Variants in DTNBP1 observed in about 807,000 individuals in gnomAD.
The protein encoded by DTNBP1 is dysbindin.
Under a neutral mutation model 42.8 loss-of-function variants are expected in DTNBP1, and 35 were observed. The observed-to-expected ratio is 0.82, with a 90% confidence interval of 0.63 to 1.09. The LOEUF (loss-of-function observed/expected upper bound fraction) is 1.09, where lower values mean the gene tolerates loss of function less well. Ranked by LOEUF, DTNBP1 falls within the 50% of genes least tolerant of loss-of-function variation. The probability of loss-of-function intolerance (pLI) is 0.00; values close to 1 mark genes in which losing one functional copy is unlikely to be tolerated. For synonymous variants in DTNBP1, 171 were observed against 162.2 expected, an observed-to-expected ratio of 1.05 and a Z score of -0.41; for missense variants, 457 against 424.2, an observed-to-expected ratio of 1.08 and a Z score of -0.68.
chr6:15,642,660 T>C (rs1760445115), intron 3 of DTNBP1, among the ~76,000 whole-genome samples: 3 of 152,130 alleles, frequency 2.0e-5, no homozygotes, highest in Admixed American at 2.0e-4. Context: ...AGCCAATACA[T>C]CACTACAGTA....
Position 15,589,929 on chromosome 6 carries a change from C to T in DTNBP1, c.511+3130G>A, listed in dbSNP as rs1350990389. On this transcript the variant is annotated intron_variant, in intron 7 of 9. Transcript: ENST00000344537. ...ATGTCACCTTTATTTCCTAACTACT[C>T]ATACACTTCTTTTTTTGGAGACAGA... Among the ~76,000 whole-genome samples, 3 of 152,142 alleles carry T rather than the reference C, an allele frequency of 2.0e-5. No homozygotes were observed. The East Asian group carries it at 5.8e-4, about 29-fold the overall frequency.
At position 15,627,476 on chromosome 6, in the gene DTNBP1, C is replaced by G; in HGVS notation, c.223-1G>C. 2.5e-6 allele frequency: 4 copies of G among 1,613,882 alleles called. No individual in the cohort carries two copies. In the African/African-American group the frequency reaches 5.3e-5, roughly 22 times the overall value. ...GCATGACCACCTCGCTATCCACCAG[C>G]TGCAGCACACAAGAAGGGGGGTAAA... On this transcript the variant is annotated splice_acceptor_variant, in intron 4 of 9. Coordinates refer to ENST00000344537, the MANE Select transcript of DTNBP1 (RefSeq NM_032122.5). LOFTEE classifies it high-confidence loss of function.
chr6:15,648,687 A>G (rs954714896), intron 3 of DTNBP1, among the ~76,000 whole-genome samples: 1 of 152,106 alleles, frequency 6.6e-6, no homozygotes, highest in Non-Finnish European at 1.5e-5. Context: ...AAGATGATGA[A>G]AGACTCATAC....
chr6:15,635,222 G>A (rs1054133437), intron 4 of DTNBP1, among the ~76,000 whole-genome samples: 3 of 152,042 alleles, frequency 2.0e-5, no homozygotes, highest in African/African-American at 7.3e-5. Flanking sequence ...AGGTTCAAGC[G>A]ATTCTCCTGC....
chr6:15,595,034 C>A (rs1185010843), intron 6 of DTNBP1: 2 of 440,944 alleles, frequency 4.5e-6, no homozygotes, highest in Non-Finnish European at 9.1e-6. Context: ...CACCCTGCAA[C>A]CGTCTGTCTG....
intron 7 of DTNBP1, among the ~76,000 whole-genome samples, chr6:15,542,687 A>G (rs913037095): frequency 2.7e-5 from 4 of 150,590 alleles, no homozygotes; most frequent in African/African-American, 9.8e-5. Flanking sequence ...TTATGCTTCT[A>G]ATTATTTGCA....
chr6:15,576,069 C>A (rs1238480348), intron 7 of DTNBP1, among the ~76,000 whole-genome samples: 1 of 151,962 alleles, frequency 6.6e-6, no homozygotes, highest in Non-Finnish European at 1.5e-5. Flanking sequence ...TAGGCGAGAC[C>A]ATTTAGGTGG....
chr6:15,641,907 T>A (rs2113780139), intron 3 of DTNBP1, among the ~76,000 whole-genome samples: 3 of 152,280 alleles, frequency 2.0e-5, no homozygotes, highest in Admixed American at 2.0e-4. Flanking sequence ...CAGTGCCAAC[T>A]GCTACAAGAG....
chr6:15,563,707 C>T (rs937906969), intron 7 of DTNBP1, among the ~76,000 whole-genome samples: 5 of 152,144 alleles, frequency 3.3e-5, no homozygotes, highest in Admixed American at 6.5e-5. Context: ...TGACTTCACT[C>T]TGCACTCTTT....
intron 1 of DTNBP1, among the ~76,000 whole-genome samples, chr6:15,659,133 T>G (rs905648591): frequency 1.3e-5 from 2 of 152,228 alleles, no homozygotes; most frequent in Admixed American, 6.5e-5. Flanking sequence ...ATGTAGAAAT[T>G]TATTCTTATT....
chr6:15,589,428 T>C (rs572777237), intron 7 of DTNBP1, among the ~76,000 whole-genome samples: 1 of 152,358 alleles, frequency 6.6e-6, no homozygotes, highest in African/African-American at 2.4e-5. Flanking sequence ...CTTATTCTGC[T>C]GGTCTGGTCA....
At chr6:15,533,748 G>C in intron 7 of DTNBP1, 1 of 473,408 alleles carries the variant, frequency 2.1e-6, no homozygotes, top group Non-Finnish European at 4.2e-6. Context: ...AGTGGAGTCT[G>C]CTGCTCCATC....
At chr6:15,652,372 G>T (rs1019861196) in intron 1 of DTNBP1, among the ~76,000 whole-genome samples, 1 of 151,884 alleles carries the variant, frequency 6.6e-6, no homozygotes, top group African/African-American at 2.4e-5. Flanking sequence ...AGTGGAGACG[G>T]AGTCTTGCTA....
intron 7 of DTNBP1, among the ~76,000 whole-genome samples, chr6:15,576,554 T>A (rs1051444710): frequency 1.3e-5 from 2 of 151,800 alleles, no homozygotes; most frequent in Non-Finnish European, 2.9e-5. Context: ...AGTGGGGAGA[T>A]CCCTTAAGGC....
intron 6 of DTNBP1, among the ~76,000 whole-genome samples, chr6:15,607,195 G>C (rs926893047): frequency 2.6e-5 from 4 of 152,020 alleles, no homozygotes; most frequent in African/African-American, 7.3e-5. Flanking sequence ...ATTTTTAGTG[G>C]AGACAGGGTT....
chr6:15,620,789 C>T (rs1208882669), intron 5 of DTNBP1, among the ~76,000 whole-genome samples: 1 of 152,188 alleles, frequency 6.6e-6, no homozygotes, highest in Non-Finnish European at 1.5e-5. Context: ...AAGAGCTAGG[C>T]TTTGAAGCAC....
At chr6:15,541,169 G>A (rs1242905505) in intron 7 of DTNBP1, among the ~76,000 whole-genome samples, 3 of 151,972 alleles carry the variant, frequency 2.0e-5, no homozygotes, top group Admixed American at 6.6e-5. Context: ...AGCACAAAGC[G>A]GGCATTTAAA....
At chr6:15,543,033 C>T (rs1773669527) in intron 7 of DTNBP1, among the ~76,000 whole-genome samples, 1 of 152,024 alleles carries the variant, frequency 6.6e-6, no homozygotes, top group Non-Finnish European at 1.5e-5. Context: ...ATTTTTGATG[C>T]ATGAACTATG....
chr6:15,552,047 T>G (rs1321220239), intron 7 of DTNBP1, among the ~76,000 whole-genome samples: 1 of 151,984 alleles, frequency 6.6e-6, no homozygotes, highest in Non-Finnish European at 1.5e-5. Context: ...TCCTCATGGC[T>G]AAAAGTGGGA....
Sources: allele counts gnomAD v4.1 joint callset (sites outside exome capture counted in the v4.1 genomes callset), GRCh38; gene constraint gnomAD v4.1.1; transcripts MANE v1.5; gene names NCBI Gene and HGNC (gene_info 2026-07-23, HGNC 2026-07-21).